Variants in LRRC37A2 observed in about 807,000 individuals in gnomAD.
LRRC37A2 encodes leucine-rich repeat-containing protein 37A2.
In LRRC37A2, 9 loss-of-function variants were observed where a neutral mutation model predicts 68.8. That is an observed-to-expected ratio of 0.13 (90% confidence interval 0.08 to 0.23). The LOEUF (loss-of-function observed/expected upper bound fraction) is 0.23, where lower values mean the gene tolerates loss of function less well. LRRC37A2 is among the 10% of genes least tolerant of loss of function. The probability of loss-of-function intolerance (pLI) is 1.00; values close to 1 mark genes in which losing one functional copy is unlikely to be tolerated. For missense variants in LRRC37A2, 168 were observed against 950.4 expected, an observed-to-expected ratio of 0.18 and a Z score of 10.82; for synonymous variants, 63 against 367.6, an observed-to-expected ratio of 0.17 and a Z score of 9.48.
At chr17:46,717,875 T>C in the LRRC37A2 span, among the ~76,000 whole-genome samples, 1 of 152,158 alleles carries the variant, frequency 6.6e-6, no homozygotes, top group Non-Finnish European at 1.5e-5. Context: ...CTGACCGAAC[T>C]GGAGCAGCGT....
At chr17:47,010,915 G>A in the LRRC37A2 span, among the ~76,000 whole-genome samples, 29 of 152,290 alleles carry the variant, frequency 1.9e-4, no homozygotes, top group African/African-American at 7.0e-4. Context: ...CCCTCCTGAG[G>A]CAGTGTGGGG....
the LRRC37A2 span, among the ~76,000 whole-genome samples, chr17:47,012,306 T>A: frequency 6.6e-6 from 1 of 152,116 alleles, no homozygotes; most frequent in Non-Finnish European, 1.5e-5. Flanking sequence ...TAGTCCCAGA[T>A]TACCTTGGAA....
At chr17:46,479,443 A>G in the LRRC37A2 span, among the ~76,000 whole-genome samples, 2 of 105,464 alleles carry the variant, frequency 1.9e-5, 1 homozygote, top group Non-Finnish European at 4.2e-5. Flanking sequence ...TATTCACCTC[A>G]GAGTCTCCCA....
chr17:46,500,793 A>C, the LRRC37A2 span, among the ~76,000 whole-genome samples: 1 of 151,120 alleles, frequency 6.6e-6, no homozygotes, highest in African/African-American at 2.5e-5. Context: ...ATTTTTACTC[A>C]TCTGGATCTT....
At chr17:46,832,881 G>A in the LRRC37A2 span, 26 of 165,754 alleles carry the variant, frequency 1.6e-4, no homozygotes, top group South Asian at 4.3e-3. Flanking sequence ...CCAGGTTAGG[G>A]GGGTGAGGTG....
the LRRC37A2 span, among the ~76,000 whole-genome samples, chr17:46,814,611 A>G: frequency 6.6e-6 from 1 of 152,114 alleles, no homozygotes; most frequent in South Asian, 2.1e-4. Flanking sequence ...TGTGGGATCA[A>G]CAGCCTCCAG....
the LRRC37A2 span, among the ~76,000 whole-genome samples, chr17:46,785,389 A>C: frequency 6.6e-6 from 1 of 152,216 alleles, no homozygotes; most frequent in African/African-American, 2.4e-5. Context: ...ACTGAGTGGA[A>C]GGGGATATCC....
At chr17:46,678,583 G>T in the LRRC37A2 span, among the ~76,000 whole-genome samples, 2 of 140,122 alleles carry the variant, frequency 1.4e-5, no homozygotes, top group African/African-American at 2.7e-5. Flanking sequence ...ATCAAAATCA[G>T]GATTTGAAGA....
chr17:46,799,472 G>A, the LRRC37A2 span, among the ~76,000 whole-genome samples: 3 of 144,748 alleles, frequency 2.1e-5, no homozygotes, highest in Non-Finnish European at 4.5e-5. Context: ...TTTCGAGATG[G>A]AGTCTCACTC....
At chr17:46,953,308 T>C in the LRRC37A2 span, among the ~76,000 whole-genome samples, 705 of 152,308 alleles carry the variant, frequency 4.6e-3, 5 homozygotes, top group Non-Finnish European at 6.6e-3. Flanking sequence ...TTTGGTTTTT[T>C]GTCCTTGCAA....
the LRRC37A2 span, among the ~76,000 whole-genome samples, chr17:46,779,429 C>T: frequency 1.8e-4 from 28 of 152,236 alleles, no homozygotes; most frequent in African/African-American, 5.1e-4. Flanking sequence ...GCTCCTGGCC[C>T]GGCCCTTCCC....
the LRRC37A2 span, chr17:46,711,100 G>T: frequency 6.6e-7 from 1 of 1,526,348 alleles, no homozygotes; most frequent in Non-Finnish European, 8.7e-7. Flanking sequence ...GCACACCATT[G>T]GTCAGCGTGC....
chr17:46,912,851 G>A, the LRRC37A2 span, among the ~76,000 whole-genome samples: 1 of 152,150 alleles, frequency 6.6e-6, no homozygotes, highest in Non-Finnish European at 1.5e-5. Flanking sequence ...GCCCTCTTTG[G>A]GTCACAAAGG....
chr17:46,874,985 C>G, the LRRC37A2 span: 1 of 1,522,996 alleles, frequency 6.6e-7, no homozygotes, highest in Non-Finnish European at 9.1e-7. Context: ...TCCTGCCCAT[C>G]ACAGCGCTGC....
At chr17:46,742,054 A>G in the LRRC37A2 span, among the ~76,000 whole-genome samples, 23 of 152,298 alleles carry the variant, frequency 1.5e-4, no homozygotes, top group Non-Finnish European at 2.1e-4. Flanking sequence ...GCACTGGCCA[A>G]TAGTACTTGT....
the LRRC37A2 span, among the ~76,000 whole-genome samples, chr17:46,740,419 TA>T: frequency 6.6e-6 from 1 of 152,016 alleles, no homozygotes; most frequent in East Asian, 1.9e-4. Flanking sequence ...ATCACAGAGG[TA>T]AAAATTAAAT....
At chr17:46,676,289 A>G in the LRRC37A2 span, among the ~76,000 whole-genome samples, 1 of 141,780 alleles carries the variant, frequency 7.1e-6, no homozygotes, top group African/African-American at 2.8e-5. Context: ...CTGGAGTGCA[A>G]TGGCGTGATC....
the LRRC37A2 span, among the ~76,000 whole-genome samples, chr17:47,012,822 A>T: frequency 6.6e-6 from 1 of 152,212 alleles, no homozygotes; most frequent in Non-Finnish European, 1.5e-5. Context: ...GGTAGGCCTC[A>T]AAAGCTTAAA....
At chr17:46,904,390 C>A in the LRRC37A2 span, among the ~76,000 whole-genome samples, 1 of 143,616 alleles carries the variant, frequency 7.0e-6, no homozygotes, top group African/African-American at 2.6e-5. Context: ...GACTGGCTGG[C>A]TGGATAAATG....
Sources: gnomAD v4.1 joint callset for allele counts (sites outside exome capture counted in the v4.1 genomes callset) on GRCh38, gnomAD v4.1.1 for gene constraint, MANE v1.5 for transcripts, NCBI Gene and HGNC (gene_info 2026-07-23, HGNC 2026-07-21) for gene names.